Variants in SEL1L observed in about 807,000 individuals in gnomAD.
The protein encoded by SEL1L is SEL1L adaptor subunit of SYVN1 ubiquitin ligase.
A neutral mutation model predicts 109.8 loss-of-function variants in SEL1L; 52 were observed. That is an observed-to-expected ratio of 0.47 (90% confidence interval 0.38 to 0.60). The LOEUF (loss-of-function observed/expected upper bound fraction) is 0.60, where lower values mean the gene tolerates loss of function less well. Ranked by LOEUF, SEL1L falls within the 20% of genes least tolerant of loss-of-function variation. The pLI is 0.00. For missense variants in SEL1L, 749 were observed against 962.2 expected, an observed-to-expected ratio of 0.78 and a Z score of 2.93; for synonymous variants, 373 against 339.6, an observed-to-expected ratio of 1.10 and a Z score of -1.08.
At chr14:81,515,705 CT>C (rs1884672346) in intron 3 of SEL1L, among the ~76,000 whole-genome samples, 1 of 152,168 alleles carries the variant, frequency 6.6e-6, no homozygotes, top group Non-Finnish European at 1.5e-5. Flanking sequence ...ACATATTCCC[CT>C]GTCACCTGAC....
At chr14:81,530,465 T>C (rs1885279263) in intron 1 of SEL1L, among the ~76,000 whole-genome samples, 1 of 152,294 alleles carries the variant, frequency 6.6e-6, no homozygotes, top group South Asian at 2.1e-4. Context: ...AAATTAAACA[T>C]CCTCTGCTGT....
At chr14:81,491,949 T>A (rs1161453797) in intron 12 of SEL1L, among the ~76,000 whole-genome samples, 1 of 151,492 alleles carries the variant, frequency 6.6e-6, no homozygotes, top group Non-Finnish European at 1.5e-5. Flanking sequence ...TTCCTCATTA[T>A]TGCATACAAT....
intron 14 of SEL1L, chr14:81,489,040 A>C (rs1883443044): frequency 1.8e-6 from 1 of 566,470 alleles, no homozygotes; most frequent in African/African-American, 1.9e-5. Context: ...CTCTGGGAGA[A>C]AGTGCCAGAC....
intron 1 of SEL1L, among the ~76,000 whole-genome samples, chr14:81,529,099 G>A (rs934259181): frequency 6.6e-6 from 1 of 152,008 alleles, no homozygotes; most frequent in Non-Finnish European, 1.5e-5. Context: ...TTTACTTCTG[G>A]CAGGTGGAGA....
At chr14:81,527,675 T>C in intron 2 of SEL1L, 26 bp downstream of exon 2, 1 of 1,546,284 alleles carries the variant, frequency 6.5e-7, no homozygotes, top group African/African-American at 1.4e-5. Flanking sequence ...CAGCAAATAC[T>C]GGCCAATACA....
intron 9 of SEL1L, 158 bp downstream of exon 9, chr14:81,498,255 T>C (rs1160951602): frequency 1.2e-6 from 1 of 827,378 alleles, no homozygotes; most frequent in Non-Finnish European, 1.8e-6. Context: ...CAAAATTATA[T>C]AAAGAAAAAA....
chr14:81,513,374 AGCTCTAACACT>A (rs1308060562), intron 3 of SEL1L, among the ~76,000 whole-genome samples: 3 of 152,096 alleles, frequency 2.0e-5, no homozygotes, highest in African/African-American at 7.2e-5. Context: ...TACCTTTATG[AGCTCTAACACT>A]CACTGCGAAG....
Position 81,495,418 on chromosome 14 carries a change from T to C in SEL1L, c.1129-281A>G, listed in dbSNP as rs113293841. Among the ~76,000 whole-genome samples, 433 of 152,244 alleles carry C rather than the reference T, an allele frequency of 2.8e-3. 6 individuals are homozygous for C. Among genetic ancestry groups the C allele is most frequent in the Middle Eastern group, 0.024 (7 of 294 alleles). ...CTTTGGGAGGTCATGGGTGAATCACTTGAGCCCAGGAGTTGAAGAACAACT... is the reference window on the plus strand; with the variant it reads ...CTTTGGGAGGTCATGGGTGAATCACCTGAGCCCAGGAGTTGAAGAACAACT... On this transcript the variant is annotated intron_variant, in intron 10 of 20. Transcript: ENST00000336735.
intron 3 of SEL1L, among the ~76,000 whole-genome samples, chr14:81,523,393 G>A (rs371500638): frequency 3.9e-4 from 59 of 152,264 alleles, no homozygotes; most frequent in African/African-American, 1.3e-3. Flanking sequence ...CCTGGAAGGT[G>A]GGTGGCGTGA....
At chr14:81,533,635 G>A (rs1232408182) in intron 1 of SEL1L, 40 bp downstream of exon 1, 3 of 1,593,080 alleles carry the variant, frequency 1.9e-6, no homozygotes, top group Non-Finnish European at 2.6e-6. Flanking sequence ...GCTGGGGGGC[G>A]GAGGCTCTGG....
At chr14:81,489,191 C>A in intron 14 of SEL1L, 61 bp downstream of exon 14, 1 of 1,443,446 alleles carries the variant, frequency 6.9e-7, no homozygotes, top group African/African-American at 1.4e-5. Flanking sequence ...AATTAAGGAA[C>A]ATGTCCCTAC....
Position 81,476,352 on chromosome 14 carries a change from C to A in SEL1L, c.*620G>T, listed in dbSNP as rs1448765153. The A allele has an allele frequency of 6.6e-6, 1 of 152,290 alleles. No homozygotes were observed. Among genetic ancestry groups the A allele is most frequent in the East Asian group, 1.9e-4 (1 of 5,196 alleles). The allele number at this position is 152,290 out of a possible 1,614,324, so 9.4% of individuals were successfully genotyped here. The stretch of plus-strand genomic sequence containing the variant: ...CTTTGAAGGAGAGGAGTATGGTATA[C>A]CGTGTGACAATCACCAATAAGAAAC... On this transcript the variant is annotated 3_prime_UTR_variant, in exon 21 of 21. Coordinates refer to ENST00000336735, the MANE Select transcript of SEL1L (RefSeq NM_005065.6).
intron 11 of SEL1L, among the ~76,000 whole-genome samples, chr14:81,493,185 C>T (rs766052508): frequency 1.1e-4 from 16 of 151,948 alleles, no homozygotes; most frequent in Admixed American, 2.0e-4. Flanking sequence ...ACCAGTTCCC[C>T]CTCAATCACA....
chr14:81,479,480 C>G, intron 20 of SEL1L, 132 bp downstream of exon 20: 1 of 811,742 alleles, frequency 1.2e-6, no homozygotes, highest in Non-Finnish European at 1.8e-6. Context: ...GGTACCTGAG[C>G]TGAGGAGAAG....
intron 2 of SEL1L, 47 bp from the exon 3 acceptor site, chr14:81,527,011 C>G (rs768460815): frequency 6.5e-6 from 9 of 1,391,970 alleles, no homozygotes; most frequent in Non-Finnish European, 9.1e-6. Flanking sequence ...CAAGACTTTC[C>G]CCAACCCTAT....
In SEL1L at chr14:81,519,910, A is replaced by G. The variant is rs1884843342; in HGVS notation, c.340+6823T>C. Among the ~76,000 whole-genome samples, 5 of 152,314 alleles carry G rather than the reference A, an allele frequency of 3.3e-5. No homozygotes were observed. The South Asian group carries it at 1.0e-3, about 32-fold the overall frequency. ...ACAGAAAAGGGTTTTGTATTGCTGA[A>G]AAAGGCTGCTTAGGGAAGGGGTACA... On this transcript the variant is annotated intron_variant, in intron 3 of 20. Coordinates refer to ENST00000336735, the MANE Select transcript of SEL1L (RefSeq NM_005065.6).
At chr14:81,493,885 A>G (rs1187581040) in intron 11 of SEL1L, among the ~76,000 whole-genome samples, 2 of 152,258 alleles carry the variant, frequency 1.3e-5, no homozygotes, top group East Asian at 3.9e-4. Context: ...CCTGGTTTCC[A>G]TCCTAAGTCT....
chr14:81,475,546 TA>T lies in SEL1L; in HGVS notation c.*1425del, dbSNP rs1566967840. The T allele has an allele frequency of 6.6e-6, 1 of 152,214 alleles. No homozygotes were observed. The highest frequency in any genetic ancestry group is 1.5e-5 in the Non-Finnish European group (1 of 68,050). 9.4% of individuals were successfully genotyped at this position (152,214 alleles called of 1,614,324 possible). On this transcript the variant is annotated 3_prime_UTR_variant, in exon 21 of 21. Coordinates refer to ENST00000336735, the MANE Select transcript of SEL1L (RefSeq NM_005065.6). ...TGGGAAAAAAGCATGAAGGTTAGTATAAACATACTGACATCAGTAGGCATAG... is the reference window on the plus strand; with the variant it reads ...TGGGAAAAAAGCATGAAGGTTAGTATAACATACTGACATCAGTAGGCATAG...
chr14:81,510,717 G>A (rs55767982), intron 3 of SEL1L, among the ~76,000 whole-genome samples: 9,565 of 151,920 alleles, frequency 0.063, 388 homozygotes, highest in Non-Finnish European at 0.097. Flanking sequence ...TTATCTATTA[G>A]GCTGTCTCTC....
Sources: gnomAD v4.1 joint callset for allele counts (sites outside exome capture counted in the v4.1 genomes callset) on GRCh38, gnomAD v4.1.1 for gene constraint, MANE v1.5 for transcripts, NCBI Gene and HGNC (gene_info 2026-07-23, HGNC 2026-07-21) for gene names.